The following LRRC20 variants were observed in gnomAD, a reference collection of about 807,000 sequenced individuals.
LRRC20 encodes leucine rich repeat containing 20.
A neutral mutation model predicts 14.4 loss-of-function variants in LRRC20; 11 were observed. The ratio of observed to expected loss-of-function variants is 0.77; its 90% CI spans 0.48 to 1.27. LRRC20 has a LOEUF of 1.27. Ranked by LOEUF, LRRC20 falls within the 50% of genes most tolerant of loss-of-function variation. LRRC20 has a pLI of 0.00. For missense variants in LRRC20, 219 were observed against 251.2 expected (o/e 0.87, Z 0.87); for synonymous variants, 121 against 107.3 (o/e 1.13, Z -0.79).
chr10:70,344,988 T>C (rs149372214), intron 2 of LRRC20, among the ~76,000 whole-genome samples: 1 of 152,368 alleles, frequency 6.6e-6, no homozygotes, highest in East Asian at 1.9e-4. Flanking sequence ...TGAATGTAAC[T>C]ACTACACAAA....
At position 70,321,643 on chromosome 10, in the gene LRRC20, T is replaced by C. The variant is rs1160027162; in HGVS notation, c.400+2220A>G. The stretch of plus-strand genomic sequence containing the variant: ...CTTGGGGTAAACCAGGAGCCCCTCC[T>C]GGACAGCAACAGCCCCTGGCATTTC... On this transcript the variant is annotated intron_variant, in intron 4 of 4. Coordinates refer to ENST00000446961, the MANE Select transcript of LRRC20 (RefSeq NM_001278212.2). Among the ~76,000 whole-genome samples the C allele has an allele frequency of 2.0e-5, 3 of 152,184 alleles. No individual in the cohort carries two copies. The East Asian group carries it at 5.8e-4, about 29-fold the overall frequency.
chr10:70,362,586 A>G (rs900130408), intron 2 of LRRC20, among the ~76,000 whole-genome samples: 26 of 152,246 alleles, frequency 1.7e-4, no homozygotes, highest in African/African-American at 6.0e-4. Flanking sequence ...TTTCTGGACC[A>G]CAGCCTCCTG....
Position 70,376,502 on chromosome 10 carries a change from C to G in LRRC20, c.32G>C (p.Arg11Thr). 6.8e-6 allele frequency: 11 copies of G among 1,614,050 alleles called. No homozygotes were observed. Among genetic ancestry groups the G allele is most frequent in the Non-Finnish European group, 9.3e-6 (11 of 1,180,028 alleles). The change falls in exon 2 of 5, where the codon AGA becomes ACA. Residue 11 changes from arginine to threonine, a missense_variant. Coordinates refer to ENST00000446961, the MANE Select transcript of LRRC20 (RefSeq NM_001278212.2). MLKKMGEAVA[R>T]VARKVNETVE... The stretch of plus-strand genomic sequence containing the variant: ...CGTCTCGTTGACCTTCCTTGCTACT[C>G]TGGCCACGGCCTCACCCATCTTCTT...
chr10:70,316,687 A>G (rs938007794), intron 4 of LRRC20, among the ~76,000 whole-genome samples: 8 of 152,206 alleles, frequency 5.3e-5, no homozygotes, highest in Non-Finnish European at 1.0e-4. Context: ...GGCCATGCCT[A>G]ATTTGCATTA....
intron 3 of LRRC20, among the ~76,000 whole-genome samples, chr10:70,333,500 C>T (rs756776004): frequency 1.3e-5 from 2 of 152,216 alleles, no homozygotes; most frequent in African/African-American, 2.4e-5. Context: ...AAAATGCCCT[C>T]TGACCTCAGT....
chr10:70,343,628 C>A (rs573229177), intron 2 of LRRC20, among the ~76,000 whole-genome samples: 2 of 152,310 alleles, frequency 1.3e-5, no homozygotes, highest in South Asian at 4.1e-4. Context: ...AGCAAACAGG[C>A]ACTGTGGGCT....
At chr10:70,332,356 A>G (rs1842572512) in intron 3 of LRRC20, among the ~76,000 whole-genome samples, 1 of 152,246 alleles carries the variant, frequency 6.6e-6, no homozygotes, top group Non-Finnish European at 1.5e-5. Flanking sequence ...TAAAAAGACT[A>G]AGGCAGGCCA....
At position 70,340,649 on chromosome 10, in the gene LRRC20, G is replaced by C; in HGVS notation, c.136C>G (p.Arg46Gly). Residue 46 changes from arginine to glycine, a missense_variant, in exon 3 of 5, where the codon CGG becomes GGG. Arg to Gly is a moderately radical substitution (Grantham distance 125). Transcript: ENST00000446961. ...AGGTGGATCTGGCCAGAGACATTCC[G>C]CAGGACCTTGTAGATGCCAATGGGA... ...SFPIGIYKVL[R>G]NVSGQIHLIT... The C allele has an allele frequency of 1.2e-6, 2 of 1,614,190 alleles. No homozygotes were observed. Among genetic ancestry groups the C allele is most frequent in the Non-Finnish European group, 1.7e-6 (2 of 1,180,036 alleles).
At chr10:70,341,918 T>C (rs1431527820) in intron 2 of LRRC20, among the ~76,000 whole-genome samples, 1 of 152,154 alleles carries the variant, frequency 6.6e-6, no homozygotes, top group Non-Finnish European at 1.5e-5. Context: ...ATGTCAAGAA[T>C]AGGCAAATGC....
At chr10:70,369,056 TC>T (rs1165431897) in intron 2 of LRRC20, among the ~76,000 whole-genome samples, 1 of 152,218 alleles carries the variant, frequency 6.6e-6, no homozygotes, top group Non-Finnish European at 1.5e-5. Flanking sequence ...ATGGGGGCTG[TC>T]CCCATTGTTT....
At chr10:70,323,804 C>A in intron 4 of LRRC20, 59 bp downstream of exon 4, 1 of 1,587,012 alleles carries the variant, frequency 6.3e-7, no homozygotes, top group Admixed American at 1.7e-5. Flanking sequence ...CTCCAGAGTC[C>A]TGTGGCCCAT....
intron 3 of LRRC20, among the ~76,000 whole-genome samples, chr10:70,339,381 G>A (rs958617252): frequency 6.6e-6 from 1 of 152,196 alleles, no homozygotes; most frequent in Non-Finnish European, 1.5e-5. Context: ...GGAGAGACAG[G>A]TGTGAGTTAA....
At position 70,357,601 on chromosome 10, in the gene LRRC20, A is replaced by G. The variant is rs1248922333; in HGVS notation, c.83-16899T>C. On this transcript the variant is annotated intron_variant, in intron 2 of 4. Transcript: ENST00000446961. ...ACCTCTGGATTGCATTTATTCTCAC[A>G]AGCCCTGGACGAGGAGACAACCGCA... Among the ~76,000 whole-genome samples the G allele has an allele frequency of 3.5e-4, 54 of 152,196 alleles. 1 individual carries two copies. The highest frequency in any genetic ancestry group is 3.5e-3 in the Admixed American group (54 of 15,276).
rs534337451 is a variant in LRRC20, at chr10:70,301,501, G to C, written c.408C>G (p.Pro136=). The change falls in exon 5 of 5, where the codon CCC becomes CCG. Residue 136 remains proline, a synonymous_variant. Transcript: ENST00000446961. ...CTGGCATGGCGGCCAGCTTCTCCAC[G>C]GGCACATCTATTGGGGACAGAATGG... ...NLEENEIVDV[P]VEKLAAMPAL... 3.7e-6 allele frequency: 6 copies of C among 1,613,784 alleles called. No individual in the cohort carries two copies. In the African/African-American group the frequency reaches 4.0e-5, roughly 11 times the overall value.
chr10:70,313,858 C>G (rs1320694415), intron 4 of LRRC20, among the ~76,000 whole-genome samples: 1 of 152,178 alleles, frequency 6.6e-6, no homozygotes, highest in Non-Finnish European at 1.5e-5. Flanking sequence ...ACTCTGCATT[C>G]TGATAAACCA....
intron 2 of LRRC20, among the ~76,000 whole-genome samples, chr10:70,365,584 T>C (rs187619176): frequency 5.5e-4 from 84 of 152,254 alleles, no homozygotes; most frequent in African/African-American, 1.9e-3. Flanking sequence ...CCAGCTACTC[T>C]GGAAGCTGAA....
At chr10:70,353,794 A>G (rs934280908) in intron 2 of LRRC20, among the ~76,000 whole-genome samples, 11 of 152,256 alleles carry the variant, frequency 7.2e-5, no homozygotes, top group African/African-American at 2.6e-4. Flanking sequence ...CCTCCCTAGA[A>G]TATGTAACCC....
intron 2 of LRRC20, among the ~76,000 whole-genome samples, chr10:70,348,721 GA>G (rs1270560138): frequency 2.0e-5 from 3 of 152,206 alleles, no homozygotes; most frequent in African/African-American, 7.2e-5. Context: ...TCCCCCATGG[GA>G]AACCGAGGTC....
chr10:70,312,872 C>T (rs1270774288), intron 4 of LRRC20, among the ~76,000 whole-genome samples: 1 of 152,110 alleles, frequency 6.6e-6, no homozygotes, highest in African/African-American at 2.4e-5. Context: ...ATGGGAAGCA[C>T]GGGATGTTTT....
Sources: allele counts gnomAD v4.1 joint callset (sites outside exome capture counted in the v4.1 genomes callset), GRCh38; gene constraint gnomAD v4.1.1; transcripts MANE v1.5; gene names NCBI Gene and HGNC (gene_info 2026-07-23, HGNC 2026-07-21).